The following MAN2B1 variants were observed in gnomAD, a reference collection of about 807,000 sequenced individuals.
MAN2B1 encodes lysosomal alpha-mannosidase.
In MAN2B1, 99 loss-of-function variants were observed where a neutral mutation model predicts 127.5. The ratio of observed to expected loss-of-function variants is 0.78; its 90% confidence interval spans 0.66 to 0.92. The LOEUF is 0.92. MAN2B1 is among the 40% of genes least tolerant of loss of function. MAN2B1 has a pLI of 0.00. For missense variants in MAN2B1, 1,304 were observed against 1,384.8 expected (o/e 0.94, Z 0.93); for synonymous variants, 573 against 568.8 (o/e 1.01, Z -0.11).
At position 12,647,129 on chromosome 19, in the gene MAN2B1, G is replaced by A; in HGVS notation, c.2923+104C>T. 9.0e-7 allele frequency: 1 copy of A among 1,114,110 alleles called. No homozygotes were observed. The highest frequency in any genetic ancestry group is 1.4e-6 in the Non-Finnish European group (1 of 730,142). 69.0% of individuals were successfully genotyped at this position (1,114,110 alleles called of 1,614,324 possible). ...TCTGGACTCTGCCCCATACCCTCAT[G>A]ACCTTTTTGGGTCCTGGCCAACATC... On this transcript the variant is annotated intron_variant, in intron 23 of 23. Transcript: ENST00000456935. This position sits in a 1 kb window ranked among gnomAD's most constrained non-coding sequence, Gnocchi z 4.9.
chr19:12,666,546 G>T lies in MAN2B1; in HGVS notation c.156C>A (p.Tyr52Ter). 1 of 1,582,418 alleles carries T rather than the reference G, an allele frequency of 6.3e-7. No individual in the cohort carries two copies. The highest frequency in any genetic ancestry group is 8.6e-7 in the Non-Finnish European group (1 of 1,164,602). The change falls in exon 1 of 24, where the codon TAC becomes TAA. Residue 52 changes from tyrosine to a stop codon, truncating the protein, a stop_gained. Transcript: ENST00000456935. LOFTEE classifies it high-confidence loss of function. The part of the protein sequence containing the change: ...LAAAGARAGG[Y>*]ETCPTVQPNM... ...TCAGCTCGGAGGCCCCACTCACCTC[G>T]TATCCCCCGGCCCGAGCACCGGCAG... is the stretch of plus-strand genomic sequence containing the variant.
intron 3 of MAN2B1, 150 bp from the exon 4 acceptor site, chr19:12,665,135 G>T: frequency 9.8e-7 from 1 of 1,024,054 alleles, no homozygotes; most frequent in Non-Finnish European, 1.5e-6. Flanking sequence ...TCCCAGATAT[G>T]GGAAAGAGGC....
At position 12,658,364 on chromosome 19, in the gene MAN2B1, G is replaced by T; in HGVS notation, c.1110-20C>A. On this transcript the variant is annotated intron_variant, in intron 8 of 23. Transcript: ENST00000456935. ...ACTGACCTACAGCGGCAGGGGCATT[G>T]AGGGCAGGGTCATGACCCACGGGGC... is the stretch of plus-strand genomic sequence containing the variant. 1 of 1,614,244 alleles carries T rather than the reference G, an allele frequency of 6.2e-7. No homozygotes were observed. The highest frequency in any genetic ancestry group is 1.1e-5 in the South Asian group (1 of 91,082).
Position 12,649,998 on chromosome 19 carries a change from C to T in MAN2B1, c.2182G>A (p.Glu728Lys), listed in dbSNP as rs755197711. ...PIPVGDTWGKEVISRFDTPLE... is the reference protein window; with the variant it reads ...PIPVGDTWGKKVISRFDTPLE... ...GGTGTGTCAAAACGGCTGATGACCT[C>T]CTTCCCCCAGGTGTCGCTGTACCCA... The change falls in exon 18 of 24, where the codon GAG (glutamate) becomes AAG (lysine). Residue 728 changes from glutamate to lysine, a missense_variant. By Grantham distance (56) the Glu-to-Lys change is moderately conservative. Coordinates refer to ENST00000456935, the MANE Select transcript of MAN2B1 (RefSeq NM_000528.4). The T allele has an allele frequency of 1.2e-6, 2 of 1,614,068 alleles. No individual in the cohort carries two copies. Among genetic ancestry groups the T allele is most frequent in the Non-Finnish European group, 1.7e-6 (2 of 1,180,008 alleles).
chr19:12,664,991 C>T lies in MAN2B1; in HGVS notation c.437-6G>A, dbSNP rs1471583306. ...ATTGGCGAACTCCAGGCGCCCTGTG[C>T]CAGGACAGGCAAGGTCAGGGTCAGC... On this transcript the variant is annotated splice_region_variant and splice_polypyrimidine_tract_variant and intron_variant, in intron 3 of 23. Coordinates refer to ENST00000456935, the MANE Select transcript of MAN2B1 (RefSeq NM_000528.4). 2.5e-6 allele frequency: 4 copies of T among 1,612,548 alleles called. No individual in the cohort carries two copies. The Admixed American group carries it at 5.0e-5, about 20-fold the overall frequency.
intron 6 of MAN2B1, among the ~76,000 whole-genome samples, chr19:12,662,809 G>T (rs954273744): frequency 6.6e-6 from 1 of 151,158 alleles, no homozygotes; most frequent in South Asian, 2.1e-4. Flanking sequence ...GTGGTGGCAG[G>T]TGCCTCTAAT....
chr19:12,652,953 C>T (rs2023875941), intron 14 of MAN2B1, among the ~76,000 whole-genome samples: 1 of 151,864 alleles, frequency 6.6e-6, no homozygotes, highest in Admixed American at 6.6e-5. Context: ...CCTGCCTCAG[C>T]CTCCTGGGTA....
At chr19:12,649,858 C>CCCGGGCCCCAA in intron 18 of MAN2B1, 55 bp downstream of exon 18, 1 of 1,405,204 alleles carries the variant, frequency 7.1e-7, no homozygotes, top group Non-Finnish European at 1.0e-6. Flanking sequence ...CCTCACCACC[C>CCCGGGCCCCAA]CTGGGCCCCA....
At chr19:12,653,167 G>C (rs2023882151) in intron 14 of MAN2B1, among the ~76,000 whole-genome samples, 2 of 132,740 alleles carry the variant, frequency 1.5e-5, no homozygotes, top group Non-Finnish European at 3.1e-5. Flanking sequence ...TTTTGAGACT[G>C]AGTCTCGCTC....
intron 13 of MAN2B1, 188 bp from the exon 14 acceptor site, chr19:12,656,067 A>AC: frequency 3.7e-6 from 2 of 542,576 alleles, no homozygotes; most frequent in Non-Finnish European, 6.6e-6. Context: ...GGAAAAAAAA[A>AC]CCCACCGGGA....
chr19:12,657,819 G>A, intron 10 of MAN2B1: 1 of 610,234 alleles, frequency 1.6e-6, no homozygotes, highest in Admixed American at 2.9e-5. Context: ...GCCGGGCGTG[G>A]TGGTGGGCGC....
intron 13 of MAN2B1, 37 bp downstream of exon 13, chr19:12,656,534 G>T: frequency 1.4e-6 from 2 of 1,438,130 alleles, no homozygotes; most frequent in Non-Finnish European, 2.0e-6. Flanking sequence ...ACTGGGGGAG[G>T]AGTCCCAGCG....
Position 12,656,629 on chromosome 19 carries a change from G to C in MAN2B1, c.1586C>G (p.Pro529Arg). Residue 529 changes from proline to arginine, a missense_variant, in exon 13 of 24, where the codon CCG (proline) becomes CGG (arginine). By Grantham distance (103) the Pro-to-Arg change is moderately radical. Coordinates refer to ENST00000456935, the MANE Select transcript of MAN2B1 (RefSeq NM_000528.4). ...CACAACGAAAACGCCTTCGCTGACCGGCAGCCGTACCATCCAATTCACCTT... is the reference window on the plus strand; with the variant it reads ...CACAACGAAAACGCCTTCGCTGACCCGCAGCCGTACCATCCAATTCACCTT... ...GRKVNWMVRLPVSEGVFVVKD... is the reference protein window; with the variant it reads ...GRKVNWMVRLRVSEGVFVVKD... The C allele has an allele frequency of 1.9e-6, 3 of 1,613,996 alleles. No homozygotes were observed. Among genetic ancestry groups the C allele is most frequent in the Non-Finnish European group, 2.5e-6 (3 of 1,179,956 alleles).
chr19:12,656,006 G>T (rs1599348637), intron 13 of MAN2B1, 127 bp from the exon 14 acceptor site: 2 of 719,150 alleles, frequency 2.8e-6, no homozygotes, highest in South Asian at 3.2e-5. Flanking sequence ...TGTGTGTGGT[G>T]GGGGGACAGT....
At chr19:12,660,904 A>C in intron 7 of MAN2B1, 1 of 336,680 alleles carries the variant, frequency 3.0e-6, no homozygotes, top group Non-Finnish European at 5.9e-6. Flanking sequence ...GATTACAGGC[A>C]CGCACCATCA....
At chr19:12,657,258 C>T (rs1299101126) in intron 11 of MAN2B1, 188 bp downstream of exon 11, 1 of 702,608 alleles carries the variant, frequency 1.4e-6, no homozygotes, top group African/African-American at 1.8e-5. Flanking sequence ...CCTCCTTCCC[C>T]CCTCCAAAGC....
chr19:12,665,646 C>G, intron 2 of MAN2B1, 57 bp downstream of exon 2: 1 of 1,591,210 alleles, frequency 6.3e-7, no homozygotes, highest in East Asian at 2.2e-5. Context: ...GTCCAGGACC[C>G]AGAGGGATTA....
chr19:12,650,672 T>G (rs1322806287), intron 16 of MAN2B1, among the ~76,000 whole-genome samples: 14 of 150,572 alleles, frequency 9.3e-5, no homozygotes, highest in Admixed American at 3.3e-4. Context: ...TAATTCTTTT[T>G]TCTTTTTTTT....
At position 12,648,271 on chromosome 19, in the gene MAN2B1, G is replaced by T; in HGVS notation, c.2568C>A (p.His856Gln). 6.2e-7 allele frequency: 1 copy of T among 1,608,638 alleles called. No individual in the cohort carries two copies. ...LDTAQAAAAG[H>Q]RLLAEQEVLA... ...GGACCTCCTGCTCCGCCAGGAGCCG[G>T]TGTCCGGCGGCTGCAGCCTGGGCTG... The change falls in exon 21 of 24, where the codon CAC becomes CAA. Residue 856 changes from histidine (H) to glutamine (Q), a missense_variant. Physicochemically the swap from His to Gln is conservative, Grantham distance 24 (BLOSUM62 0). Coordinates refer to ENST00000456935, the MANE Select transcript of MAN2B1 (RefSeq NM_000528.4).
Sources: allele counts gnomAD v4.1 joint callset (sites outside exome capture counted in the v4.1 genomes callset), GRCh38; gene constraint gnomAD v4.1.1; non-coding constraint Gnocchi (gnomAD v3.1); transcripts MANE v1.5; gene names NCBI Gene and HGNC (gene_info 2026-07-23, HGNC 2026-07-21).